USP6NL: variants seen among roughly 807,000 people sequenced by gnomAD.
The protein encoded by USP6NL is USP6 N-terminal like.
A neutral mutation model predicts 61.9 loss-of-function variants in USP6NL; 26 were observed. That is an observed-to-expected ratio of 0.42 (90% CI 0.31 to 0.58). The LOEUF is 0.58. Ranked by LOEUF, USP6NL falls within the 20% of genes least tolerant of loss-of-function variation. USP6NL has a pLI of 0.16. For synonymous variants in USP6NL, 432 were observed against 390.1 expected (o/e 1.11, Z -1.27); for missense variants, 1,114 against 1,034.3 (o/e 1.08, Z -1.06).
At chr10:11,524,974 T>C (rs1388917923) in intron 4 of USP6NL, among the ~76,000 whole-genome samples, 1 of 152,220 alleles carries the variant, frequency 6.6e-6, no homozygotes, top group Non-Finnish European at 1.5e-5. Flanking sequence ...TTTATAACTA[T>C]AAGGAAGATG....
intron 2 of USP6NL, among the ~76,000 whole-genome samples, chr10:11,568,476 C>G (rs543354169): frequency 5.3e-5 from 8 of 152,268 alleles, no homozygotes; most frequent in African/African-American, 1.9e-4. Flanking sequence ...CGTGTTTCAC[C>G]TTAGGATATA....
chr10:11,478,278 G>A lies in USP6NL; in HGVS notation c.1078+3492C>T, dbSNP rs1311072009. 6.6e-6 allele frequency among the ~76,000 whole-genome samples: 1 copy of A among 152,218 alleles called. No homozygotes were observed. Among genetic ancestry groups the A allele is most frequent in the Admixed American group, 6.5e-5 (1 of 15,286 alleles). On this transcript the variant is annotated intron_variant, in intron 14 of 14. Coordinates refer to ENST00000609104, the MANE Select transcript of USP6NL (RefSeq NM_014688.5). The surrounding 1 kb of genome is among the most constrained non-coding windows in gnomAD (Gnocchi z 6.8). The stretch of plus-strand genomic sequence containing the variant: ...CGACGTCCACACACCTGAGGCTGTG[G>A]AGAAATGGCAGTTCTGTAGCACACC...
chr10:11,558,043 T>G (rs1836782331), intron 2 of USP6NL, among the ~76,000 whole-genome samples: 1 of 152,194 alleles, frequency 6.6e-6, no homozygotes, highest in Admixed American at 6.5e-5. Flanking sequence ...GTTCACAATC[T>G]TGAATTTAAA....
intron 2 of USP6NL, among the ~76,000 whole-genome samples, chr10:11,530,794 CAGTA>C (rs1250797945): frequency 1.3e-5 from 2 of 152,164 alleles, no homozygotes; most frequent in Non-Finnish European, 1.5e-5. Context: ...GCAAGGCAAA[CAGTA>C]AGAAGCAGGA....
rs7077432 is a variant in USP6NL at position 11,545,060 on chromosome 10, T to C, written c.5-17493A>G. Among the ~76,000 whole-genome samples the C allele has an allele frequency of 5.4e-3, 825 of 152,370 alleles. 11 individuals carry two copies. The highest frequency in any genetic ancestry group is 0.019 in the African/African-American group (785 of 41,582). The stretch of plus-strand genomic sequence containing the variant: ...CAGAAAGGACACTTATTTTTCACTC[T>C]TTAGTACATCCTGAACTTTTTGTTA... On this transcript the variant is annotated intron_variant, in intron 2 of 14. Coordinates refer to ENST00000609104, the MANE Select transcript of USP6NL (RefSeq NM_014688.5).
intron 5 of USP6NL, among the ~76,000 whole-genome samples, chr10:11,517,362 C>T (rs1218542672): frequency 1.3e-5 from 2 of 152,200 alleles, no homozygotes; most frequent in African/African-American, 4.8e-5. Context: ...TACAAAGAAT[C>T]TGCCTTTCCC....
chr10:11,483,530 G>A, intron 13 of USP6NL, among the ~76,000 whole-genome samples: 1 of 79,868 alleles, frequency 1.3e-5, no homozygotes, highest in South Asian at 6.3e-4. Context: ...GGAGAAGAGA[G>A]AGAGGGAGAG....
Position 11,525,211 on chromosome 10 carries a change from T to C in USP6NL, c.155+175A>G, listed in dbSNP as rs1157846090. Among the ~76,000 whole-genome samples the C allele has an allele frequency of 1.3e-5, 2 of 152,176 alleles. No individual in the cohort carries two copies. Among genetic ancestry groups the C allele is most frequent in the African/African-American group, 4.8e-5 (2 of 41,442 alleles). ...ATATTAAAAATTATATCTTAAACAG[T>C]TAAATTTTAATCACAGAGTTGTTAA... On this transcript the variant is annotated intron_variant, in intron 4 of 14. Transcript: ENST00000609104. This position sits in a 1 kb window ranked among gnomAD's most constrained non-coding sequence, Gnocchi z 5.0.
At chr10:11,551,232 A>C (rs1836470179) in intron 2 of USP6NL, among the ~76,000 whole-genome samples, 1 of 152,234 alleles carries the variant, frequency 6.6e-6, no homozygotes, top group Non-Finnish European at 1.5e-5. Flanking sequence ...CAATTGGTGA[A>C]AAGGTAAGCA....
chr10:11,464,002 T>G (rs1170091060), intron 14 of USP6NL, among the ~76,000 whole-genome samples, 153 bp from the exon 15 acceptor site: 1 of 152,200 alleles, frequency 6.6e-6, no homozygotes, highest in African/African-American at 2.4e-5. Flanking sequence ...TTTATACCAC[T>G]TACACACACT....
Position 11,518,583 on chromosome 10 carries a change from G to C in USP6NL, c.156-9C>G, listed in dbSNP as rs1437670887. On this transcript the variant is annotated splice_polypyrimidine_tract_variant and intron_variant, in intron 4 of 14. Transcript: ENST00000609104. This position sits in a 1 kb window ranked among gnomAD's most constrained non-coding sequence, Gnocchi z 5.3. ...CTGGGAGCTCCTCCTCACTGCAGAG[G>C]AAAAACAGTATTATATGAAATTGTT... 1.9e-6 allele frequency: 3 copies of C among 1,608,486 alleles called. No homozygotes were observed. Among genetic ancestry groups the C allele is most frequent in the South Asian group, 1.1e-5 (1 of 89,990 alleles).
chr10:11,488,353 T>A (rs544782913), intron 10 of USP6NL, among the ~76,000 whole-genome samples: 110 of 152,292 alleles, frequency 7.2e-4, no homozygotes, highest in African/African-American at 2.3e-3. Context: ...AGGTCAAGAC[T>A]GCAATGAGTC....
At chr10:11,609,982 T>G (rs1339525258) in intron 1 of USP6NL, among the ~76,000 whole-genome samples, 1 of 152,284 alleles carries the variant, frequency 6.6e-6, no homozygotes, top group African/African-American at 2.4e-5. Context: ...AAAAACTAAG[T>G]AGGCACCAAA....
chr10:11,526,167 G>A (rs539280051), intron 3 of USP6NL, among the ~76,000 whole-genome samples: 1 of 152,280 alleles, frequency 6.6e-6, no homozygotes, highest in East Asian at 1.9e-4. Context: ...TCGGTCCACA[G>A]CCCGCTGCTC....
In USP6NL at chr10:11,499,746, A is replaced by C. The variant is rs1008730541; in HGVS notation, c.384+1355T>G. 6.6e-6 allele frequency among the ~76,000 whole-genome samples: 1 copy of C among 152,186 alleles called. No homozygotes were observed. Among genetic ancestry groups the C allele is most frequent in the African/African-American group, 2.4e-5 (1 of 41,436 alleles). On this transcript the variant is annotated intron_variant, in intron 7 of 14. Transcript: ENST00000609104. This position sits in a 1 kb window ranked among gnomAD's most constrained non-coding sequence, Gnocchi z 4.5. ...ATGCCTCCCTAGAGCCCTGAGAGAA[A>C]GTGTTGTCCTGCTGACACCTTAATT... is the stretch of plus-strand genomic sequence containing the variant.
chr10:11,579,601 TAA>T lies in USP6NL; in HGVS notation c.4+18028_4+18029del, dbSNP rs1170526255. On this transcript the variant is annotated intron_variant, in intron 2 of 14. Transcript: ENST00000609104. ...CAAGACCTAATTTTTGTTATCTCCT[TAA>T]AGAGGTCTTCCCAATCTTATCAGGG... 2.0e-5 allele frequency among the ~76,000 whole-genome samples: 3 copies of T among 152,206 alleles called. No individual in the cohort carries two copies. The East Asian group carries it at 5.8e-4, about 29-fold the overall frequency.
chr10:11,509,503 G>T, intron 6 of USP6NL, 92 bp downstream of exon 6: 1 of 1,228,536 alleles, frequency 8.1e-7, no homozygotes, highest in Non-Finnish European at 1.1e-6. Flanking sequence ...AAATATGAAT[G>T]TAACACTCTT....
At chr10:11,601,440 G>A (rs936852608) in intron 1 of USP6NL, among the ~76,000 whole-genome samples, 1 of 152,194 alleles carries the variant, frequency 6.6e-6, no homozygotes, top group Non-Finnish European at 1.5e-5. Context: ...TGATCCAGGA[G>A]GGTACTGGGA....
chr10:11,535,921 A>G (rs1219549162), intron 2 of USP6NL, among the ~76,000 whole-genome samples: 2 of 152,252 alleles, frequency 1.3e-5, no homozygotes, highest in Admixed American at 1.3e-4. Flanking sequence ...AAATCTTAAT[A>G]AACACCATTG....
Sources: allele counts gnomAD v4.1 joint callset (sites outside exome capture counted in the v4.1 genomes callset), GRCh38; gene constraint gnomAD v4.1.1; non-coding constraint Gnocchi (gnomAD v3.1); transcripts MANE v1.5; gene names NCBI Gene and HGNC (gene_info 2026-07-23, HGNC 2026-07-21).